CEP89: variants seen among roughly 807,000 people sequenced by gnomAD.
CEP89 encodes the protein centrosomal protein 89, also known as centrosomal protein of 89 kDa.
In CEP89, 95 loss-of-function variants were observed where a neutral mutation model predicts 97.6. The ratio of observed to expected loss-of-function variants is 0.97; its 90% CI spans 0.82 to 1.15. CEP89 has a LOEUF of 1.15. Among genes scored for constraint, CEP89 ranks in the 50% most tolerant of loss-of-function variants. The pLI, the probability that CEP89 is intolerant of heterozygous loss-of-function variation, is 0.00. For missense variants in CEP89, 869 were observed against 947.7 expected (o/e 0.92, Z 1.09); for synonymous variants, 354 against 349.1 (o/e 1.01, Z -0.16).
intron 5 of CEP89, among the ~76,000 whole-genome samples, chr19:32,947,578 C>T (rs1035279565): frequency 5.3e-5 from 8 of 152,246 alleles, no homozygotes; most frequent in African/African-American, 1.7e-4. Flanking sequence ...GCAGCCTCTG[C>T]CTCCAGGGCT....
rs533877301 is a variant in CEP89 at position 32,939,571 on chromosome 19, G to A, written c.624+286C>T. Among the ~76,000 whole-genome samples, 6 of 151,650 alleles carry A rather than the reference G, an allele frequency of 4.0e-5. 1 individual carries two copies. Among genetic ancestry groups the A allele is most frequent in the Admixed American group, 2.6e-4 (4 of 15,220 alleles). On this transcript the variant is annotated intron_variant, in intron 6 of 18. Coordinates refer to ENST00000305768, the MANE Select transcript of CEP89 (RefSeq NM_032816.5). The stretch of plus-strand genomic sequence containing the variant: ...CATGCATCTGCGATCCCAGCTACTC[G>A]GGAGGCTGAGGTGGGAGGATCGCTT...
At chr19:32,884,958 G>A (rs763539992) in intron 17 of CEP89, among the ~76,000 whole-genome samples, 2 of 152,008 alleles carry the variant, frequency 1.3e-5, no homozygotes, top group East Asian at 1.9e-4. Flanking sequence ...TTTTTAGATC[G>A]TATCCATTGG....
chr19:32,891,342 G>GGCACACACACAAACAC, intron 16 of CEP89, among the ~76,000 whole-genome samples: 1 of 143,734 alleles, frequency 7.0e-6, no homozygotes, highest in Non-Finnish European at 1.6e-5. Context: ...GGTTGCCCCA[G>GGCACACACACAAACAC]GCACACACAC....
At chr19:32,960,140 G>A (rs1971136886) in intron 2 of CEP89, 82 bp from the exon 3 acceptor site, 1 of 1,453,160 alleles carries the variant, frequency 6.9e-7, no homozygotes, top group African/African-American at 1.4e-5. Flanking sequence ...AACTCATCAA[G>A]GCTTACCTTC....
chr19:32,968,703 T>C (rs1039447822), intron 1 of CEP89, among the ~76,000 whole-genome samples: 2 of 151,992 alleles, frequency 1.3e-5, no homozygotes, highest in Non-Finnish European at 2.9e-5. Flanking sequence ...CTGTCTCTAC[T>C]GGGCATAAAA....
Position 32,949,911 on chromosome 19 carries a change from G to A in CEP89, c.493-1543C>T, listed in dbSNP as rs138295648. On this transcript the variant is annotated intron_variant, in intron 4 of 18. Coordinates refer to ENST00000305768, the MANE Select transcript of CEP89 (RefSeq NM_032816.5). ...TCAGAGTAAGAGCTAAGGCTGCTAC[G>A]TCCACCTGTCTCTGTGGACATGGTT... Among the ~76,000 whole-genome samples the A allele has an allele frequency of 2.0e-3, 303 of 152,210 alleles. 7 individuals are homozygous for A. The East Asian group carries it at 0.05, about 25-fold the overall frequency.
intron 14 of CEP89, among the ~76,000 whole-genome samples, chr19:32,913,776 T>C (rs951294359): frequency 4.6e-5 from 7 of 151,928 alleles, no homozygotes; most frequent in Admixed American, 1.3e-4. Context: ...GTAGCTGGGA[T>C]TACAGGTGCC....
chr19:32,923,639 C>T (rs1399245014), intron 11 of CEP89, 97 bp from the exon 12 acceptor site: 1 of 800,132 alleles, frequency 1.2e-6, no homozygotes, highest in Non-Finnish European at 2.1e-6. Flanking sequence ...CAAATGGTAA[C>T]AGCCATTTAG....
In CEP89 at chr19:32,909,366, G is replaced by A. The variant is rs551908143; in HGVS notation, c.1565+5971C>T. On this transcript the variant is annotated intron_variant, in intron 14 of 18. Coordinates refer to ENST00000305768, the MANE Select transcript of CEP89 (RefSeq NM_032816.5). ...CACAGAGGCCTGCTCAGCAGCCAGGGAGATGCCTGCACAGGGAACCACCAG... is the reference window on the plus strand; with the variant it reads ...CACAGAGGCCTGCTCAGCAGCCAGGAAGATGCCTGCACAGGGAACCACCAG... Among the ~76,000 whole-genome samples, 9 of 152,262 alleles carry A rather than the reference G, an allele frequency of 5.9e-5. No individual in the cohort carries two copies. The South Asian group carries it at 1.5e-3, about 25-fold the overall frequency.
At chr19:32,948,149 T>TA (rs1286567139) in intron 5 of CEP89, 117 bp downstream of exon 5, 3 of 566,678 alleles carry the variant, frequency 5.3e-6, no homozygotes, top group South Asian at 2.9e-5. Context: ...TATTCCTAGT[T>TA]AAAATCACAG....
chr19:32,944,544 C>T (rs909960658), intron 5 of CEP89, among the ~76,000 whole-genome samples: 3 of 152,024 alleles, frequency 2.0e-5, no homozygotes, highest in Admixed American at 2.0e-4. Context: ...GGTCTCTGGT[C>T]CAGTGGTGCG....
chr19:32,901,776 CAT>C (rs1258644623), intron 14 of CEP89, among the ~76,000 whole-genome samples: 3 of 152,114 alleles, frequency 2.0e-5, no homozygotes, highest in Admixed American at 6.6e-5. Flanking sequence ...CACAGGCACA[CAT>C]GATACCTGGC....
At chr19:32,887,866 C>A (rs755911005) in intron 16 of CEP89, 25 bp from the exon 17 acceptor site, 1 of 1,317,736 alleles carries the variant, frequency 7.6e-7, no homozygotes, top group Non-Finnish European at 1.1e-6. Context: ...GATAAATGGG[C>A]TCTCAGTTTT....
chr19:32,965,978 AC>A (rs1801713310), intron 2 of CEP89: 1 of 153,532 alleles, frequency 6.5e-6, no homozygotes, highest in African/African-American at 2.4e-5. Context: ...AGATTGCGCC[AC>A]TGCACTCCAG....
intron 1 of CEP89, chr19:32,971,302 T>A: frequency 2.4e-6 from 1 of 416,372 alleles, no homozygotes; most frequent in Non-Finnish European, 4.2e-6. Flanking sequence ...GTGTACGTCG[T>A]CCAGGAGTTA....
At chr19:32,958,013 T>TCCC (rs386388893) in intron 3 of CEP89, among the ~76,000 whole-genome samples, 4,339 of 122,942 alleles carry the variant, frequency 0.035, 131 homozygotes, top group African/African-American at 0.075. Context: ...AACAAAAAAA[T>TCCC]CCCCCCCCCG....
chr19:32,898,590 A>T (rs1296746713), intron 16 of CEP89, among the ~76,000 whole-genome samples: 1 of 152,168 alleles, frequency 6.6e-6, no homozygotes, highest in African/African-American at 2.4e-5. Flanking sequence ...CCCAGAAATG[A>T]TAAATGCTCA....
intron 2 of CEP89, among the ~76,000 whole-genome samples, chr19:32,964,622 C>T (rs1298480757): frequency 3.9e-5 from 6 of 152,266 alleles, no homozygotes; most frequent in African/African-American, 4.8e-5. Context: ...TATTGACTTT[C>T]GGAACACGCG....
chr19:32,918,402 T>C, intron 12 of CEP89, 63 bp from the exon 13 acceptor site: 1 of 1,228,530 alleles, frequency 8.1e-7, no homozygotes, highest in Non-Finnish European at 1.2e-6. Context: ...AGAAACACTC[T>C]GGAATCTAAA....
Sources: allele counts gnomAD v4.1 joint callset (sites outside exome capture counted in the v4.1 genomes callset), GRCh38; gene constraint gnomAD v4.1.1; transcripts MANE v1.5; gene names NCBI Gene and HGNC (gene_info 2026-07-23, HGNC 2026-07-21).